Variants in TNRC18 observed in about 807,000 individuals in gnomAD.
TNRC18 encodes the protein trinucleotide repeat containing 18.
TNRC18 carries 69 observed loss-of-function variants against 226.7 expected under a neutral mutation model. The observed-to-expected ratio is 0.30, with a 90% CI of 0.25 to 0.37. The LOEUF (loss-of-function observed/expected upper bound fraction) is 0.37. Ranked by LOEUF, TNRC18 falls within the 10% of genes least tolerant of loss-of-function variation. TNRC18 has a pLI of 1.00. For missense variants in TNRC18, 4,754 were observed against 4,256.6 expected, an observed-to-expected ratio of 1.12 and a Z score of -3.25; for synonymous variants, 2,449 against 1,927.6, an observed-to-expected ratio of 1.27 and a Z score of -7.09.
intron 5 of TNRC18, among the ~76,000 whole-genome samples, chr7:5,378,633 T>C (rs1779176478): frequency 6.6e-6 from 1 of 151,750 alleles, no homozygotes; most frequent in South Asian, 2.1e-4. Context: ...TTAGCCAGGA[T>C]GGTCTCGATC....
chr7:5,416,354 G>A lies in TNRC18; in HGVS notation c.187+4706C>T, dbSNP rs1490771975. ...GGTGTGAACCCGGGAGGCAGAGCTT[G>A]CAGTGAGCCGAGATGGAGCCACTGC... On this transcript the variant is annotated intron_variant, in intron 2 of 29. Coordinates refer to ENST00000430969, the MANE Select transcript of TNRC18 (RefSeq NM_001080495.3). Among the ~76,000 whole-genome samples, 3 of 151,720 alleles carry A rather than the reference G, an allele frequency of 2.0e-5. No individual in the cohort carries two copies. The East Asian group carries it at 5.9e-4, about 30-fold the overall frequency.
chr7:5,343,697 G>C (rs1401305653), intron 18 of TNRC18, among the ~76,000 whole-genome samples: 1 of 152,186 alleles, frequency 6.6e-6, no homozygotes, highest in Non-Finnish European at 1.5e-5. Context: ...AAAGTGCCGG[G>C]ATTGTAGGTG....
At chr7:5,393,453 C>T (rs748503279) in intron 3 of TNRC18, among the ~76,000 whole-genome samples, 2 of 152,238 alleles carry the variant, frequency 1.3e-5, no homozygotes, top group Non-Finnish European at 2.9e-5. Flanking sequence ...CTGGGCTGAA[C>T]ACAGCAGCCG....
Position 5,377,891 on chromosome 7 carries a change from C to T in TNRC18, c.2255+31G>A, listed in dbSNP as rs780566265. ...ACCCCCAGGGGCTCCTAGATACCCC[C>T]TAGACCCTCAGGATCCCCCGACACC... On this transcript the variant is annotated intron_variant, in intron 6 of 29. Coordinates refer to ENST00000430969, the MANE Select transcript of TNRC18 (RefSeq NM_001080495.3). This position sits in a 1 kb window ranked among gnomAD's most constrained non-coding sequence, Gnocchi z 5.8. 1.4e-5 allele frequency: 22 copies of T among 1,607,826 alleles called. No individual in the cohort carries two copies. The highest frequency in any genetic ancestry group is 1.9e-5 in the Non-Finnish European group (22 of 1,175,050).
At chr7:5,381,200 G>C (rs1779375709) in intron 5 of TNRC18, among the ~76,000 whole-genome samples, 1 of 152,240 alleles carries the variant, frequency 6.6e-6, no homozygotes, top group African/African-American at 2.4e-5. Context: ...CCTCTGAAGA[G>C]AGATAGTGAG....
At position 5,388,536 on chromosome 7, in the gene TNRC18, T is replaced by C; in HGVS notation, c.1288A>G (p.Asn430Asp). 1 of 1,316,732 alleles carries C rather than the reference T, an allele frequency of 7.6e-7. No homozygotes were observed. The highest frequency in any genetic ancestry group is 3.5e-5 in the East Asian group (1 of 28,184). 81.6% of individuals were successfully genotyped at this position (1,316,732 alleles called of 1,614,324 possible). ...LDRPEGLREK[N>D]SVIRSLKRPP... is the part of the protein sequence containing the mutation. Reference sequence around the variant, plus strand: ...CGCTTGAGCGAGCGGATGACCGAGTTCTTCTCGCGCAGGCCCTCGGGCCGG... The same window carrying C: ...CGCTTGAGCGAGCGGATGACCGAGTCCTTCTCGCGCAGGCCCTCGGGCCGG... Residue 430 changes from asparagine to aspartate, a missense_variant, in exon 5 of 30, where the codon AAC (asparagine) becomes GAC (aspartate). By Grantham distance (23) the Asn-to-Asp change is conservative. Transcript: ENST00000430969.
intron 18 of TNRC18, among the ~76,000 whole-genome samples, chr7:5,339,737 T>C (rs1790497814): frequency 6.6e-6 from 1 of 151,714 alleles, no homozygotes; most frequent in Non-Finnish European, 1.5e-5. Context: ...ATCTGGATAA[T>C]TTTTGTATTT....
chr7:5,357,357 C>G, intron 15 of TNRC18, 81 bp from the exon 16 acceptor site: 1 of 1,444,990 alleles, frequency 6.9e-7, no homozygotes, highest in Non-Finnish European at 9.3e-7. Context: ...TCTGCCCAGC[C>G]TGGGCTCCAA....
At chr7:5,417,437 T>C (rs901141045) in intron 2 of TNRC18, among the ~76,000 whole-genome samples, 1 of 152,128 alleles carries the variant, frequency 6.6e-6, no homozygotes, top group Non-Finnish European at 1.5e-5. Context: ...GCTATTGCAT[T>C]CCAGCCTGGG....
intron 17 of TNRC18, among the ~76,000 whole-genome samples, 157 bp from the exon 18 acceptor site, chr7:5,345,967 TC>T (rs963720408): frequency 1.3e-5 from 2 of 152,016 alleles, no homozygotes; most frequent in African/African-American, 2.4e-5. Context: ...GCCCACGGGT[TC>T]CCCCCATCCG....
chr7:5,319,807 G>C (rs543609866), intron 24 of TNRC18, among the ~76,000 whole-genome samples: 2 of 152,272 alleles, frequency 1.3e-5, no homozygotes, highest in South Asian at 2.1e-4. Flanking sequence ...ACCACATCCA[G>C]CCTCATTCTC....
At chr7:5,362,952 GACA>G (rs749063664) in intron 11 of TNRC18, 127 bp from the exon 12 acceptor site, 19 of 937,456 alleles carry the variant, frequency 2.0e-5, no homozygotes, top group Non-Finnish European at 2.4e-5. Context: ...GTGCTGAGTA[GACA>G]GAGGCCTTTG....
In TNRC18 at chr7:5,345,462, C is replaced by T. The variant is rs1474018935; in HGVS notation, c.5719+100G>A. On this transcript the variant is annotated intron_variant, in intron 18 of 29. Transcript: ENST00000430969. Reference sequence around the variant, plus strand: ...GGGGTTCTGCCCATTCCCAGCTCTGCACCTGCATCTCTGAGCCTCAGTTTC... The same window carrying T: ...GGGGTTCTGCCCATTCCCAGCTCTGTACCTGCATCTCTGAGCCTCAGTTTC... 8 of 1,210,736 alleles carry T rather than the reference C, an allele frequency of 6.6e-6. No individual in the cohort carries two copies. The Admixed American group carries it at 7.6e-5, about 11-fold the overall frequency. The allele number at this position is 1,210,736 out of a possible 1,614,324, so 75.0% of individuals were successfully genotyped here.
intron 2 of TNRC18, among the ~76,000 whole-genome samples, chr7:5,406,714 G>A (rs1027786422): frequency 1.3e-5 from 2 of 151,732 alleles, no homozygotes; most frequent in Admixed American, 6.6e-5. Context: ...AGCTGGGCAT[G>A]GTGGCAGATG....
intron 24 of TNRC18, among the ~76,000 whole-genome samples, chr7:5,317,669 A>C (rs953427214): frequency 2.0e-5 from 3 of 151,934 alleles, no homozygotes; most frequent in African/African-American, 7.3e-5. Context: ...AAAACAAAAA[A>C]AAATTTAAGG....
At chr7:5,405,419 A>G (rs901090685) in intron 2 of TNRC18, among the ~76,000 whole-genome samples, 7 of 152,104 alleles carry the variant, frequency 4.6e-5, no homozygotes, top group Non-Finnish European at 8.8e-5. Flanking sequence ...ACATACAAAA[A>G]TTAGCCAAGT....
intron 1 of TNRC18, among the ~76,000 whole-genome samples, chr7:5,421,811 A>G (rs1782603439): frequency 6.6e-6 from 1 of 152,224 alleles, no homozygotes; most frequent in Non-Finnish European, 1.5e-5. Context: ...GGCTGCGCCC[A>G]GACGGCGTAA....
intron 20 of TNRC18, 86 bp downstream of exon 20, chr7:5,325,010 A>C: frequency 6.9e-7 from 1 of 1,453,992 alleles, no homozygotes; most frequent in Non-Finnish European, 9.2e-7. Context: ...GGGTGAATAC[A>C]GAGGAGCAGG....
chr7:5,418,552 C>A (rs1334506316), intron 2 of TNRC18, among the ~76,000 whole-genome samples: 5 of 152,194 alleles, frequency 3.3e-5, no homozygotes, highest in African/African-American at 9.7e-5. Flanking sequence ...GCCCTGACAG[C>A]GCTCATCCAC....
Sources: allele counts gnomAD v4.1 joint callset (sites outside exome capture counted in the v4.1 genomes callset), GRCh38; gene constraint gnomAD v4.1.1; non-coding constraint Gnocchi (gnomAD v3.1); transcripts MANE v1.5; gene names NCBI Gene and HGNC (gene_info 2026-07-23, HGNC 2026-07-21).